PDZRN4: variants seen among roughly 807,000 people sequenced by gnomAD.
PDZRN4 encodes PDZ domain-containing RING finger protein 4.
PDZRN4 carries 70 observed loss-of-function variants against 99.0 expected under a neutral mutation model. The observed-to-expected ratio is 0.71, with a 90% CI of 0.58 to 0.86. The LOEUF is 0.86. Among genes scored for constraint, PDZRN4 ranks in the 40% least tolerant of loss-of-function variants. PDZRN4 has a pLI of 0.00. For missense variants in PDZRN4, 1,474 were observed against 1,331.2 expected, an observed-to-expected ratio of 1.11 and a Z score of -1.67; for synonymous variants, 551 against 501.6, an observed-to-expected ratio of 1.10 and a Z score of -1.32.
chr12:41,453,353 G>A (rs1396214043), intron 3 of PDZRN4, among the ~76,000 whole-genome samples: 1 of 152,138 alleles, frequency 6.6e-6, no homozygotes, highest in African/African-American at 2.4e-5. Context: ...TATGAGACAA[G>A]GTCGGGCTCC....
Position 41,212,490 on chromosome 12 carries a change from A to G in PDZRN4, c.843+18302A>G, listed in dbSNP as rs915439661. Among the ~76,000 whole-genome samples, 52 of 151,986 alleles carry G rather than the reference A, an allele frequency of 3.4e-4. 1 individual carries two copies. The highest frequency in any genetic ancestry group is 1.3e-3 in the African/African-American group (52 of 41,418). ...GTTTTATATAAGAATACTTGTCTGG[A>G]ATTAAATTGATAACTTCTGTGAAGA... On this transcript the variant is annotated intron_variant, in intron 3 of 9. Coordinates refer to ENST00000402685, the MANE Select transcript of PDZRN4 (RefSeq NM_001164595.2).
At chr12:41,192,263 C>G (rs1489323282) in intron 2 of PDZRN4, among the ~76,000 whole-genome samples, 1 of 152,052 alleles carries the variant, frequency 6.6e-6, no homozygotes, top group South Asian at 2.1e-4. Flanking sequence ...GCCACCACGC[C>G]CAGCTAATTT....
rs79949815 is a variant in PDZRN4, at chr12:41,330,324, G to A, written c.843+136136G>A. Among the ~76,000 whole-genome samples, 258 of 152,048 alleles carry A rather than the reference G, an allele frequency of 1.7e-3. 6 individuals are homozygous for A. The East Asian group carries it at 0.029, about 17-fold the overall frequency. On this transcript the variant is annotated intron_variant, in intron 3 of 9. Transcript: ENST00000402685. ...ACATTCCAAGTGTTGCTAAGACACCGTTCTGGGTTTTAAGTCTTCCAGCTC... is the reference window on the plus strand; with the variant it reads ...ACATTCCAAGTGTTGCTAAGACACCATTCTGGGTTTTAAGTCTTCCAGCTC...
At chr12:41,210,895 A>T (rs1444909303) in intron 3 of PDZRN4, among the ~76,000 whole-genome samples, 1 of 151,968 alleles carries the variant, frequency 6.6e-6, no homozygotes, top group Non-Finnish European at 1.5e-5. Flanking sequence ...AAGTCCAAAA[A>T]GAGTTAACTC....
intron 3 of PDZRN4, among the ~76,000 whole-genome samples, chr12:41,340,169 G>A (rs1273022852): frequency 1.3e-5 from 2 of 152,072 alleles, no homozygotes; most frequent in Admixed American, 6.6e-5. Flanking sequence ...AGATTTGGAA[G>A]CAACCTAAGT....
chr12:41,383,385 A>G (rs1158655680), intron 3 of PDZRN4, among the ~76,000 whole-genome samples: 1 of 152,238 alleles, frequency 6.6e-6, no homozygotes, highest in Non-Finnish European at 1.5e-5. Context: ...GAGCATTTTA[A>G]AGTTGTCAAT....
intron 5 of PDZRN4, among the ~76,000 whole-genome samples, chr12:41,545,795 C>A (rs79230279): frequency 1.5e-3 from 224 of 151,844 alleles, no homozygotes; most frequent in African/African-American, 3.5e-3. Context: ...GGTTTCCATT[C>A]CATGGTTTCT....
chr12:41,301,815 A>G (rs1366002823), intron 3 of PDZRN4, among the ~76,000 whole-genome samples: 1 of 152,066 alleles, frequency 6.6e-6, no homozygotes, highest in East Asian at 1.9e-4. Context: ...GAGTCTCACA[A>G]TTCTAGATTT....
intron 3 of PDZRN4, among the ~76,000 whole-genome samples, chr12:41,227,119 C>G (rs1443661838): frequency 6.6e-6 from 1 of 151,982 alleles, no homozygotes; most frequent in Non-Finnish European, 1.5e-5. Context: ...ATGCTAATGT[C>G]AGATTATTTT....
chr12:41,438,710 C>T (rs148739706), intron 3 of PDZRN4, among the ~76,000 whole-genome samples: 224 of 152,190 alleles, frequency 1.5e-3, no homozygotes, highest in African/African-American at 5.0e-3. Flanking sequence ...TTATGTGTAT[C>T]TGAGGGCTTT....
intron 3 of PDZRN4, among the ~76,000 whole-genome samples, chr12:41,215,837 G>A (rs1252512147): frequency 7.7e-6 from 1 of 130,494 alleles, no homozygotes; most frequent in African/African-American, 2.9e-5. Flanking sequence ...TCATAAACAC[G>A]CTAAGCCTCC....
At chr12:41,322,786 G>A (rs181110458) in intron 3 of PDZRN4, among the ~76,000 whole-genome samples, 25 of 152,020 alleles carry the variant, frequency 1.6e-4, no homozygotes, top group South Asian at 4.1e-4. Context: ...GTGAGCCACC[G>A]CGCCGGGCAA....
At chr12:41,563,956 G>C (rs1939317528) in intron 8 of PDZRN4, among the ~76,000 whole-genome samples, 1 of 152,148 alleles carries the variant, frequency 6.6e-6, no homozygotes, top group African/African-American at 2.4e-5. Context: ...TTTTAAGGGG[G>C]GAAAAGCATA....
Position 41,574,118 on chromosome 12 carries a change from G to A in PDZRN4, c.*228G>A, listed in dbSNP as rs1053819380. ...TACTTGTGATATATTCATATTACTCGTTTATAAAAAATCAAAAACAAAAGG... is the reference window on the plus strand; with the variant it reads ...TACTTGTGATATATTCATATTACTCATTTATAAAAAATCAAAAACAAAAGG... On this transcript the variant is annotated 3_prime_UTR_variant, in exon 10 of 10. Coordinates refer to ENST00000402685, the MANE Select transcript of PDZRN4 (RefSeq NM_001164595.2). 3.3e-5 allele frequency: 11 copies of A among 332,124 alleles called. No homozygotes were observed. Among genetic ancestry groups the A allele is most frequent in the Admixed American group, 2.8e-4 (6 of 21,062 alleles). 20.6% of individuals were successfully genotyped at this position (332,124 alleles called of 1,614,324 possible).
At chr12:41,277,827 A>T (rs1400737152) in intron 3 of PDZRN4, among the ~76,000 whole-genome samples, 1 of 152,232 alleles carries the variant, frequency 6.6e-6, no homozygotes, top group Non-Finnish European at 1.5e-5. Context: ...TATAAATAGA[A>T]TTCACATACA....
At chr12:41,243,538 G>A (rs534261779) in intron 3 of PDZRN4, among the ~76,000 whole-genome samples, 3 of 152,182 alleles carry the variant, frequency 2.0e-5, no homozygotes, top group African/African-American at 4.8e-5. Flanking sequence ...ATTTGAATAC[G>A]TTAAAAATAT....
At chr12:41,301,810 T>C (rs1951537604) in intron 3 of PDZRN4, among the ~76,000 whole-genome samples, 1 of 152,064 alleles carries the variant, frequency 6.6e-6, no homozygotes, top group South Asian at 2.1e-4. Flanking sequence ...TGCTTGAGTC[T>C]CACAATTCTA....
At chr12:41,559,204 C>T (rs1487806300) in intron 7 of PDZRN4, among the ~76,000 whole-genome samples, 1 of 151,994 alleles carries the variant, frequency 6.6e-6, no homozygotes, top group Non-Finnish European at 1.5e-5. Context: ...CACACACACA[C>T]ACGTGCTGTC....
chr12:41,214,165 T>A (rs113035375), intron 3 of PDZRN4, among the ~76,000 whole-genome samples: 4 of 147,264 alleles, frequency 2.7e-5, no homozygotes, highest in African/African-American at 1.0e-4. Context: ...ACGCCTCTAA[T>A]CTCAGCACTT....
Sources: allele counts gnomAD v4.1 joint callset (sites outside exome capture counted in the v4.1 genomes callset), GRCh38; gene constraint gnomAD v4.1.1; transcripts MANE v1.5; gene names NCBI Gene and HGNC (gene_info 2026-07-23, HGNC 2026-07-21).